Variants in RTF1 observed in about 807,000 individuals in gnomAD.
The protein encoded by RTF1 is RNA polymerase-associated protein RTF1 homolog.
Under a neutral mutation model 95.7 loss-of-function variants are expected in RTF1, and 10 were observed. The ratio of observed to expected loss-of-function variants is 0.10; its 90% CI spans 0.06 to 0.18. RTF1 has a LOEUF of 0.18. RTF1 is among the 10% of genes least tolerant of loss of function. The probability of loss-of-function intolerance (pLI) is 1.00; values close to 1 mark genes in which losing one functional copy is unlikely to be tolerated. For missense variants in RTF1, 458 were observed against 875.6 expected, an observed-to-expected ratio of 0.52 and a Z score of 6.02; for synonymous variants, 305 against 311.8, an observed-to-expected ratio of 0.98 and a Z score of 0.23.
At chr15:41,446,148 T>C (rs756941987) in intron 2 of RTF1, among the ~76,000 whole-genome samples, 3 of 152,170 alleles carry the variant, frequency 2.0e-5, no homozygotes, top group Non-Finnish European at 4.4e-5. Context: ...ATAATGACTA[T>C]AGAACTTTTC....
intron 6 of RTF1, among the ~76,000 whole-genome samples, chr15:41,467,091 A>AATTATTACC (rs1161189853): frequency 6.6e-6 from 1 of 152,164 alleles, no homozygotes; most frequent in African/African-American, 2.4e-5. Flanking sequence ...CTCTTACCAC[A>AATTATTACC]ATAATGTGAA....
At chr15:41,468,960 A>G (rs1197620556) in intron 6 of RTF1, among the ~76,000 whole-genome samples, 1 of 151,692 alleles carries the variant, frequency 6.6e-6, no homozygotes, top group Non-Finnish European at 1.5e-5. Context: ...CCTTCCTTCC[A>G]TCCATCTTTT....
At chr15:41,424,266 C>T (rs2050617760) in intron 1 of RTF1, among the ~76,000 whole-genome samples, 1 of 152,066 alleles carries the variant, frequency 6.6e-6, no homozygotes, top group African/African-American at 2.4e-5. Flanking sequence ...TAACCAGGGA[C>T]CCTATTCTAG....
chr15:41,478,174 GT>G (rs1396568734), intron 14 of RTF1, among the ~76,000 whole-genome samples: 3 of 152,182 alleles, frequency 2.0e-5, no homozygotes, highest in African/African-American at 7.2e-5. Context: ...GCTGAGGTGG[GT>G]GGATCACCTG....
chr15:41,421,742 C>T (rs2050602903), intron 1 of RTF1, among the ~76,000 whole-genome samples: 1 of 149,304 alleles, frequency 6.7e-6, no homozygotes, highest in African/African-American at 2.5e-5. Context: ...GGGTTTCACT[C>T]CTGTCACCCA....
chr15:41,463,726 C>T (rs2050864390), intron 4 of RTF1, among the ~76,000 whole-genome samples: 1 of 152,190 alleles, frequency 6.6e-6, no homozygotes. Flanking sequence ...AAGTGATCCT[C>T]CTGCCTTGGC....
At chr15:41,464,960 G>GTGTGTT (rs2050872915) in intron 5 of RTF1, 75 bp downstream of exon 5, 1 of 1,457,398 alleles carries the variant, frequency 6.9e-7, no homozygotes, top group African/African-American at 1.4e-5. Flanking sequence ...GTGTGTGTGT[G>GTGTGTT]TGTGTGTAAA....
intron 1 of RTF1, among the ~76,000 whole-genome samples, chr15:41,421,069 C>G (rs2050598021): frequency 6.6e-6 from 1 of 151,036 alleles, no homozygotes; most frequent in African/African-American, 2.4e-5. Context: ...GCCCTGTAAT[C>G]TCAGCACTTT....
chr15:41,453,989 T>C (rs575802156), intron 3 of RTF1, among the ~76,000 whole-genome samples: 2 of 152,340 alleles, frequency 1.3e-5, no homozygotes, highest in East Asian at 3.9e-4. Flanking sequence ...CTCATTGTAC[T>C]CACATACTTT....
At chr15:41,476,610 G>T (rs1477605351) in intron 12 of RTF1, 87 bp downstream of exon 12, 5 of 1,246,996 alleles carry the variant, frequency 4.0e-6, no homozygotes, top group Non-Finnish European at 5.9e-6. Context: ...GTTAGTGGTG[G>T]TAGGATTGGG....
intron 2 of RTF1, among the ~76,000 whole-genome samples, chr15:41,439,473 G>GT (rs1478074351): frequency 6.6e-6 from 1 of 152,142 alleles, no homozygotes; most frequent in Non-Finnish European, 1.5e-5. Context: ...ATCCCTCCGA[G>GT]TGATGGTGTT....
intron 4 of RTF1, among the ~76,000 whole-genome samples, chr15:41,458,761 A>G (rs957032543): frequency 2.7e-4 from 41 of 151,624 alleles, no homozygotes; most frequent in African/African-American, 9.0e-4. Flanking sequence ...AAAAATAAAA[A>G]TAAAAATAAA....
chr15:41,425,649 C>T (rs985829409), intron 1 of RTF1, among the ~76,000 whole-genome samples: 3 of 152,148 alleles, frequency 2.0e-5, no homozygotes, highest in African/African-American at 4.8e-5. Context: ...TATGCTGTCC[C>T]TGGCATCTAG....
intron 1 of RTF1, among the ~76,000 whole-genome samples, chr15:41,434,417 G>A (rs2050691550): frequency 6.6e-6 from 1 of 152,104 alleles, no homozygotes; most frequent in South Asian, 2.1e-4. Context: ...GCACTGTGCT[G>A]AATGAAAGAA....
chr15:41,474,346 C>T (rs562997750), intron 8 of RTF1, among the ~76,000 whole-genome samples: 31 of 152,318 alleles, frequency 2.0e-4, no homozygotes, highest in African/African-American at 7.2e-4. Context: ...AAATACATCC[C>T]TTGTAAGTTA....
chr15:41,424,229 G>GC (rs1350724629), intron 1 of RTF1, among the ~76,000 whole-genome samples: 1 of 152,156 alleles, frequency 6.6e-6, no homozygotes, highest in Non-Finnish European at 1.5e-5. Flanking sequence ...AGGCCATGAA[G>GC]CAAGGACAAG....
chr15:41,471,476 G>A, intron 8 of RTF1, 127 bp downstream of exon 8: 2 of 998,300 alleles, frequency 2.0e-6, no homozygotes, highest in Middle Eastern at 2.2e-4. Flanking sequence ...ACTCCAAGTG[G>A]GATCCCCATA....
intron 7 of RTF1, 79 bp downstream of exon 7, chr15:41,470,471 T>C: frequency 3.4e-6 from 5 of 1,491,144 alleles, no homozygotes; most frequent in Non-Finnish European, 4.6e-6. Context: ...TTCCAAAATC[T>C]CCCTGGTTGG....
At chr15:41,466,570 C>G (rs1485676490) in intron 6 of RTF1, among the ~76,000 whole-genome samples, 4 of 152,136 alleles carry the variant, frequency 2.6e-5, no homozygotes, top group Non-Finnish European at 5.9e-5. Flanking sequence ...CATTATTACA[C>G]CTAGAAATAA....
Sources: allele counts gnomAD v4.1 joint callset (sites outside exome capture counted in the v4.1 genomes callset), GRCh38; gene constraint gnomAD v4.1.1; transcripts MANE v1.5; gene names NCBI Gene and HGNC (gene_info 2026-07-23, HGNC 2026-07-21).